THYN1: variants seen among roughly 807,000 people sequenced by gnomAD.
THYN1 encodes the protein thymocyte protein thy28.
THYN1 carries 32 observed loss-of-function variants against 30.6 expected under a neutral mutation model. The ratio of observed to expected loss-of-function variants is 1.05; its 90% CI spans 0.79 to 1.40. The LOEUF is 1.40. THYN1 is among the 40% of genes most tolerant of loss of function. The pLI is 0.00. For missense variants in THYN1, 259 were observed against 272.6 expected (o/e 0.95, Z 0.35); for synonymous variants, 107 against 90.8 (o/e 1.18, Z -1.01).
At chr11:134,250,475 G>C (rs944092522) in intron 2 of THYN1, 132 bp from the exon 3 acceptor site, 4 of 933,316 alleles carry the variant, frequency 4.3e-6, no homozygotes, top group Non-Finnish European at 6.5e-6. Flanking sequence ...AGTTCACCGG[G>C]AAGTGGCTCC....
rs1938978458 is a variant in THYN1 at position 134,250,067 on chromosome 11, A to T, written c.292-147T>A. 2.1e-5 allele frequency: 21 copies of T among 979,498 alleles called. No homozygotes were observed. The South Asian group carries it at 3.5e-4, about 16-fold the overall frequency. 60.7% of individuals were successfully genotyped at this position (979,498 alleles called of 1,614,324 possible). A position where few individuals can be genotyped will look rare whatever the true frequency, so the allele number is the denominator to read the frequency against. On this transcript the variant is annotated intron_variant, in intron 3 of 6. Coordinates refer to ENST00000341541, the MANE Select transcript of THYN1 (RefSeq NM_014174.3). The stretch of plus-strand genomic sequence containing the variant: ...GAAAGTCCTTCCCCTTTGCCAGGAC[A>T]CCCAGACTTTTACCAGGACATTGGC...
At chr11:134,251,536 C>G in intron 1 of THYN1, 1 of 489,674 alleles carries the variant, frequency 2.0e-6, no homozygotes, top group East Asian at 3.5e-5. Context: ...GTAAGAACAC[C>G]TTACAGGGTT....
At position 134,249,207 on chromosome 11, in the gene THYN1, T is replaced by A. The variant is rs1938930542; in HGVS notation, c.440A>T (p.Tyr147Phe). 6.2e-7 allele frequency: 1 copy of A among 1,614,216 alleles called. No homozygotes were observed. Among genetic ancestry groups the A allele is most frequent in the African/African-American group, 1.3e-5 (1 of 75,062 alleles). ...GTTGTCCTCTTTGCTAGATGGGTCA[T>A]AATGGGGATTGTTTTTCTCAAACTG... ...HTQFEKNNPH[Y>F]DPSSKEDNPK... Residue 147 changes from tyrosine to phenylalanine, a missense_variant, in exon 5 of 7, where the codon TAT becomes TTT. By Grantham distance (22) the Tyr-to-Phe change is conservative. Transcript: ENST00000341541.
intron 1 of THYN1, 79 bp from the exon 2 acceptor site, chr11:134,251,387 G>T (rs1939042269): frequency 2.7e-6 from 4 of 1,466,812 alleles, no homozygotes; most frequent in Non-Finnish European, 3.7e-6. Flanking sequence ...TAGCTTTGGA[G>T]TCAGACCTGG....
chr11:134,249,724 G>T, intron 4 of THYN1, 104 bp downstream of exon 4: 1 of 1,085,852 alleles, frequency 9.2e-7, no homozygotes, highest in Non-Finnish European at 1.4e-6. Context: ...GGGGTGGGGG[G>T]GAGTGTACTT....
chr11:134,248,701 G>A, intron 6 of THYN1, 108 bp downstream of exon 6: 1 of 1,499,590 alleles, frequency 6.7e-7, no homozygotes, highest in Non-Finnish European at 9.1e-7. Flanking sequence ...AGGTGAGGAT[G>A]CTGACTGAGA....
chr11:134,253,098 C>A lies in THYN1; in HGVS notation c.-216G>T. ...GCCATTTCCATCTCGCATAACCTGC[C>A]CCTAAACTCTTCTCGGTTCTGTCCT... is the stretch of plus-strand genomic sequence containing the variant. On this transcript the variant is annotated 5_prime_UTR_variant, in exon 1 of 7. Coordinates refer to ENST00000341541, the MANE Select transcript of THYN1 (RefSeq NM_014174.3). 7.2e-7 allele frequency: 1 copy of A among 1,381,006 alleles called. No homozygotes were observed. The highest frequency in any genetic ancestry group is 9.3e-7 in the Non-Finnish European group (1 of 1,073,812). The allele number at this position is 1,381,006 out of a possible 1,614,324, so 85.5% of individuals were successfully genotyped here. A position where few individuals can be genotyped will look rare whatever the true frequency, so the allele number is the denominator to read the frequency against.
Position 134,252,848 on chromosome 11 carries a change from G to T in THYN1, c.35C>A (p.Ser12Tyr). Residue 12 changes from serine (S) to tyrosine (Y), a missense_variant, in exon 1 of 7, where the codon TCT becomes TAT. Physicochemically the swap from Ser to Tyr is moderately radical, Grantham distance 144. Transcript: ENST00000341541. ...GCCTAGGGGCAGCTCACCTGAACCA[G>T]AAGTCCCAGCCAGCCTCTTCCGGGG... ...SRPRKRLAGT[S>Y]GSDKGLSGKR... The T allele has an allele frequency of 2.5e-6, 4 of 1,612,038 alleles. No homozygotes were observed. Among genetic ancestry groups the T allele is most frequent in the Non-Finnish European group, 3.4e-6 (4 of 1,179,436 alleles).
intron 1 of THYN1, 76 bp downstream of exon 1, chr11:134,252,764 A>C: frequency 6.5e-7 from 1 of 1,541,526 alleles, no homozygotes; most frequent in Non-Finnish European, 8.9e-7. Context: ...GCAGGGAGTG[A>C]AAAATGAGTA....
At position 134,253,126 on chromosome 11, in the gene THYN1, G is replaced by T; in HGVS notation, c.-244C>A. On this transcript the variant is annotated 5_prime_UTR_variant, in exon 1 of 7. Transcript: ENST00000341541. Reference sequence around the variant, plus strand: ...TAAACTCTTCTCGGTTCTGTCCTTGGTCCTTCTCATCCAGGAACCCCTATC... The same window carrying T: ...TAAACTCTTCTCGGTTCTGTCCTTGTTCCTTCTCATCCAGGAACCCCTATC... 7.4e-7 allele frequency: 1 copy of T among 1,357,656 alleles called. No homozygotes were observed. Among genetic ancestry groups the T allele is most frequent in the Non-Finnish European group, 9.4e-7 (1 of 1,060,428 alleles). 84.1% of individuals were successfully genotyped at this position (1,357,656 alleles called of 1,614,324 possible).
intron 4 of THYN1, 95 bp downstream of exon 4, chr11:134,249,733 T>C (rs1938959542): frequency 3.1e-6 from 4 of 1,276,958 alleles, no homozygotes; most frequent in African/African-American, 1.5e-5. Context: ...GGGAGTGTAC[T>C]TTTTTGTTGC....
chr11:134,249,370 C>A, intron 4 of THYN1, 108 bp from the exon 5 acceptor site: 2 of 1,091,330 alleles, frequency 1.8e-6, no homozygotes, highest in Non-Finnish European at 2.8e-6. Context: ...CTTAACCCAT[C>A]TGCCTTGCTG....
Position 134,248,429 on chromosome 11 carries a change from G to GCAA in THYN1, c.*8_*9insTTG. ...CAATGTCTCGCCCATTCCAGCAGCA[G>GCAA]TATCTCAGTTAACTTGGTTCCTTTT... On this transcript the variant is annotated 3_prime_UTR_variant, in exon 7 of 7. Coordinates refer to ENST00000341541, the MANE Select transcript of THYN1 (RefSeq NM_014174.3). The GCAA allele has an allele frequency of 6.2e-7, 1 of 1,613,990 alleles. No homozygotes were observed. Among genetic ancestry groups the GCAA allele is most frequent in the East Asian group, 2.2e-5 (1 of 44,880 alleles).
At chr11:134,250,909 T>G (rs1169415291) in intron 2 of THYN1, among the ~76,000 whole-genome samples, 3 of 152,166 alleles carry the variant, frequency 2.0e-5, no homozygotes, top group Non-Finnish European at 4.4e-5. Flanking sequence ...CCTACAAAAT[T>G]TACTATCTGG....
In THYN1 at chr11:134,249,300, A is replaced by T. The variant is rs773371953; in HGVS notation, c.385-38T>A. Reference sequence around the variant, plus strand: ...CAAAAGCTTTGAATCATCTGCCTGCAGTCAGCTCCACAGCCAATCTTTTAA... The same window carrying T: ...CAAAAGCTTTGAATCATCTGCCTGCTGTCAGCTCCACAGCCAATCTTTTAA... On this transcript the variant is annotated intron_variant, in intron 4 of 6. Transcript: ENST00000341541. The T allele has an allele frequency of 2.5e-6, 4 of 1,590,118 alleles. No homozygotes were observed. In the African/African-American group the frequency reaches 5.4e-5, roughly 21 times the overall value.
In THYN1 at chr11:134,252,998, C is replaced by G; in HGVS notation, c.-116G>C. 6.8e-7 allele frequency: 1 copy of G among 1,467,034 alleles called. No individual in the cohort carries two copies. The highest frequency in any genetic ancestry group is 9.0e-7 in the Non-Finnish European group (1 of 1,114,720). 90.9% of individuals were successfully genotyped at this position (1,467,034 alleles called of 1,614,324 possible). ...GCGAGATGGAGGCAACGAGAGGCAG[C>G]CTAGAACGTCTCCAACTTTTGCGAA... is the stretch of plus-strand genomic sequence containing the variant. On this transcript the variant is annotated 5_prime_UTR_variant, in exon 1 of 7. Transcript: ENST00000341541.
At chr11:134,250,528 T>TA in intron 2 of THYN1, among the ~76,000 whole-genome samples, 185 bp from the exon 3 acceptor site, 1 of 152,206 alleles carries the variant, frequency 6.6e-6, no homozygotes. Flanking sequence ...AGCCTTGTGT[T>TA]ACCTTGTTAT....
chr11:134,248,928 C>T lies in THYN1; in HGVS notation c.512G>A (p.Arg171His), dbSNP rs201261788. The change falls in exon 6 of 7, where the codon CGT becomes CAT. Residue 171 changes from arginine (R) to histidine (H), a missense_variant. Physicochemically the swap from Arg to His is conservative, Grantham distance 29. Transcript: ENST00000341541. Reference sequence around the variant, plus strand: ...TTTGAGCTCAGCCAGGGGAATGAAACGTTTCATCATCCGAACAAACTGTAC... The same window carrying T: ...TTTGAGCTCAGCCAGGGGAATGAAATGTTTCATCATCCGAACAAACTGTAC... Reference protein sequence around the residue: ...VDVQFVRMMKRFIPLAELKSY... With the variant: ...VDVQFVRMMKHFIPLAELKSY... 29 of 1,614,162 alleles carry T rather than the reference C, an allele frequency of 1.8e-5. No individual in the cohort carries two copies. The highest frequency in any genetic ancestry group is 9.3e-5 in the African/African-American group (7 of 75,026).
rs1341787946 is a variant in THYN1, at chr11:134,253,324, G to C, written c.-442C>G. The C allele has an allele frequency of 1.4e-6, 2 of 1,401,500 alleles. No individual in the cohort carries two copies. Among genetic ancestry groups the C allele is most frequent in the African/African-American group, 1.5e-5 (1 of 68,678 alleles). 86.8% of individuals were successfully genotyped at this position (1,401,500 alleles called of 1,614,324 possible). The stretch of plus-strand genomic sequence containing the variant: ...CCAACACTCTGCAGACTCGACTGCG[G>C]TCCGCCTCCGCTGCGCCGCAGGCTG... On this transcript the variant is annotated 5_prime_UTR_variant, in exon 1 of 7. Transcript: ENST00000341541.
Sources: allele counts gnomAD v4.1 joint callset (sites outside exome capture counted in the v4.1 genomes callset), GRCh38; gene constraint gnomAD v4.1.1; transcripts MANE v1.5; gene names NCBI Gene and HGNC (gene_info 2026-07-23, HGNC 2026-07-21).